ZCWPW1: variants seen among roughly 807,000 people sequenced by gnomAD.
The protein encoded by ZCWPW1 is zinc finger CW-type and PWWP domain containing 1, also known as zinc finger CW-type PWWP domain protein 1.
Under a neutral mutation model 81.3 loss-of-function variants are expected in ZCWPW1, and 56 were observed. The observed-to-expected ratio is 0.69, with a 90% CI of 0.56 to 0.86. The LOEUF (loss-of-function observed/expected upper bound fraction) is 0.86, where lower values mean the gene tolerates loss of function less well. ZCWPW1 is among the 40% of genes least tolerant of loss of function. ZCWPW1 has a pLI of 0.00. For missense variants in ZCWPW1, 650 were observed against 769.8 expected (o/e 0.84, Z 1.84); for synonymous variants, 250 against 273.7 (o/e 0.91, Z 0.86).
chr7:100,415,928 T>C, intron 8 of ZCWPW1, 47 bp downstream of exon 8: 8 of 1,612,510 alleles, frequency 5.0e-6, no homozygotes, highest in Non-Finnish European at 6.8e-6. Context: ...CTCTGCTCTA[T>C]TTCAAATTTT....
intron 16 of ZCWPW1, 119 bp from the exon 17 acceptor site, chr7:100,402,160 A>C (rs1792054288): frequency 1.5e-6 from 2 of 1,335,602 alleles, no homozygotes. Context: ...CAATCTAGTG[A>C]GTTTTCCTGG....
At chr7:100,416,707 G>C (rs1354940764) in intron 6 of ZCWPW1, among the ~76,000 whole-genome samples, 1 of 152,108 alleles carries the variant, frequency 6.6e-6, no homozygotes, top group Non-Finnish European at 1.5e-5. Context: ...CAGCACTTTG[G>C]GAGGCCAAGG....
intron 8 of ZCWPW1, among the ~76,000 whole-genome samples, chr7:100,410,301 A>G (rs1480053289): frequency 6.6e-6 from 1 of 152,044 alleles, no homozygotes; most frequent in Non-Finnish European, 1.5e-5. Context: ...CTGAACTTCT[A>G]TCTCCTTTCT....
At chr7:100,423,314 G>T (rs1053632737) in intron 2 of ZCWPW1, among the ~76,000 whole-genome samples, 2 of 152,104 alleles carry the variant, frequency 1.3e-5, no homozygotes, top group Middle Eastern at 3.2e-3. Context: ...GAAACTCTTT[G>T]TTCTAAATCT....
rs768779906 is a variant in ZCWPW1 at position 100,415,967 on chromosome 7, A to C, written c.754+8T>G. The C allele has an allele frequency of 6.2e-7, 1 of 1,614,034 alleles. No homozygotes were observed. Among genetic ancestry groups the C allele is most frequent in the Non-Finnish European group, 8.5e-7 (1 of 1,179,994 alleles). On this transcript the variant is annotated splice_region_variant and intron_variant, in intron 8 of 17. Transcript: ENST00000684423. ...GCCAAGTAGGTTTGCCAAACCAGCT[A>C]AACTCACCAAAACCACTTATCTCTC...
intron 12 of ZCWPW1, among the ~76,000 whole-genome samples, chr7:100,406,327 C>T (rs1056784978): frequency 2.0e-5 from 3 of 152,120 alleles, no homozygotes; most frequent in Admixed American, 2.0e-4. Flanking sequence ...AAACATCCCA[C>T]GATGCACAGG....
chr7:100,407,213 A>T lies in ZCWPW1; in HGVS notation c.1068+15T>A, dbSNP rs767471992. On this transcript the variant is annotated intron_variant, in intron 11 of 17. Transcript: ENST00000684423. ...TTGGCCTGAGCTCCTTCTTACCCTGAACCAGGAAACTCACCGGCAGGGAAT... is the reference window on the plus strand; with the variant it reads ...TTGGCCTGAGCTCCTTCTTACCCTGTACCAGGAAACTCACCGGCAGGGAAT... The T allele has an allele frequency of 2.5e-6, 4 of 1,613,394 alleles. 1 individual carries two copies. Among genetic ancestry groups the T allele is most frequent in the South Asian group, 2.2e-5 (2 of 91,070 alleles).
chr7:100,421,232 C>A (rs1000450244), intron 2 of ZCWPW1, among the ~76,000 whole-genome samples: 1 of 152,156 alleles, frequency 6.6e-6, no homozygotes, highest in African/African-American at 2.4e-5. Context: ...AGAACCATGT[C>A]CAACCTAAGG....
intron 16 of ZCWPW1, 133 bp downstream of exon 16, chr7:100,402,383 G>T: frequency 1.0e-6 from 1 of 990,226 alleles, no homozygotes; most frequent in Non-Finnish European, 1.6e-6. Context: ...ATGACACTAT[G>T]GGTGAGTGTT....
intron 2 of ZCWPW1, among the ~76,000 whole-genome samples, chr7:100,421,459 T>G (rs1796333325): frequency 6.6e-6 from 1 of 152,204 alleles, no homozygotes; most frequent in East Asian, 1.9e-4. Flanking sequence ...ATCATTATAA[T>G]GTTTATTTTC....
intron 1 of ZCWPW1, among the ~76,000 whole-genome samples, 171 bp from the exon 2 acceptor site, chr7:100,425,307 T>C (rs1797115167): frequency 6.6e-6 from 1 of 152,032 alleles, no homozygotes; most frequent in Non-Finnish European, 1.5e-5. Flanking sequence ...GGGTGTGGGG[T>C]TGCGGGGAAG....
At chr7:100,402,087 G>A (rs371886997) in intron 16 of ZCWPW1, 46 bp from the exon 17 acceptor site, 36 of 1,564,968 alleles carry the variant, frequency 2.3e-5, no homozygotes, top group Non-Finnish European at 3.1e-5. Flanking sequence ...ACGACAACTC[G>A]GCAAGGGCAG....
Position 100,401,254 on chromosome 7 carries a change from T to C in ZCWPW1, c.1710A>G (p.Pro570=). The change falls in exon 18 of 18, where the codon CCA becomes CCG. Residue 570 remains proline (P), a synonymous_variant. Transcript: ENST00000684423. ...TACACGCTGATAGGCCCAGGTTCTTTGGCACTGTTCTAACTTCTTTTCCCT... is the reference window on the plus strand; with the variant it reads ...TACACGCTGATAGGCCCAGGTTCTTCGGCACTGTTCTAACTTCTTTTCCCT... ...FSEGKEVRTV[P]KNLGLSACKG... 2 of 1,614,034 alleles carry C rather than the reference T, an allele frequency of 1.2e-6. No individual in the cohort carries two copies. Among genetic ancestry groups the C allele is most frequent in the Non-Finnish European group, 8.5e-7 (1 of 1,179,944 alleles).
intron 15 of ZCWPW1, 111 bp downstream of exon 15, chr7:100,403,583 G>T: frequency 2.2e-6 from 2 of 906,962 alleles, no homozygotes; most frequent in Non-Finnish European, 3.3e-6. Flanking sequence ...CAGCACTTTG[G>T]AAGGCTGAGG....
At chr7:100,404,300 G>T in intron 13 of ZCWPW1, 56 bp from the exon 14 acceptor site, 2 of 1,505,258 alleles carry the variant, frequency 1.3e-6, no homozygotes, top group Non-Finnish European at 1.8e-6. Flanking sequence ...CGCAGCTTTT[G>T]CCTTCTGTCT....
At chr7:100,408,035 C>T (rs2130524781) in intron 10 of ZCWPW1, among the ~76,000 whole-genome samples, 1 of 152,218 alleles carries the variant, frequency 6.6e-6, no homozygotes, top group African/African-American at 2.4e-5. Context: ...ACTGCAACCT[C>T]TGCCTCCCGG....
chr7:100,428,121 G>A (rs1798074949), intron 1 of ZCWPW1, among the ~76,000 whole-genome samples: 1 of 152,166 alleles, frequency 6.6e-6, no homozygotes, highest in African/African-American at 2.4e-5. Context: ...GCAGCGCCTA[G>A]CACCTTCACC....
chr7:100,404,709 C>T (rs1416556763), intron 13 of ZCWPW1, among the ~76,000 whole-genome samples: 1 of 152,096 alleles, frequency 6.6e-6, no homozygotes, highest in African/African-American at 2.4e-5. Context: ...GCTTATCTGA[C>T]TTTTTATGGA....
intron 2 of ZCWPW1, 25 bp from the exon 3 acceptor site, chr7:100,420,703 C>T: frequency 6.2e-7 from 1 of 1,602,406 alleles, no homozygotes. Context: ...AAATTAACTG[C>T]TATGACTCTG....
Sources: allele counts gnomAD v4.1 joint callset (sites outside exome capture counted in the v4.1 genomes callset), GRCh38; gene constraint gnomAD v4.1.1; transcripts MANE v1.5; gene names NCBI Gene and HGNC (gene_info 2026-07-23, HGNC 2026-07-21).